The following MACROD2 variants were observed in gnomAD, a reference collection of about 807,000 sequenced individuals.
MACROD2 encodes mono-ADP ribosylhydrolase 2.
MACROD2 carries 36 observed loss-of-function variants against 70.4 expected under a neutral mutation model. That is an observed-to-expected ratio of 0.51 (90% CI 0.39 to 0.68). The LOEUF is 0.68. MACROD2 is among the 30% of genes least tolerant of loss of function. The pLI, the probability that MACROD2 is intolerant of heterozygous loss-of-function variation, is 0.00. For missense variants in MACROD2, 496 were observed against 538.4 expected (o/e 0.92, Z 0.78); for synonymous variants, 172 against 178.8 (o/e 0.96, Z 0.30).
chr20:15,191,889 C>T (rs1364297486), intron 5 of MACROD2, among the ~76,000 whole-genome samples: 9 of 143,704 alleles, frequency 6.3e-5, no homozygotes, highest in Admixed American at 5.6e-4. Flanking sequence ...ACCAAATCAT[C>T]AAAAATTTAG....
chr20:15,584,338 A>G (rs1330501529), intron 8 of MACROD2, among the ~76,000 whole-genome samples: 1 of 152,214 alleles, frequency 6.6e-6, no homozygotes, highest in African/African-American at 2.4e-5. Context: ...AAAGCAAATT[A>G]TAGAGCTAGG....
At chr20:15,830,644 T>G (rs2064045152) in intron 8 of MACROD2, among the ~76,000 whole-genome samples, 1 of 152,250 alleles carries the variant, frequency 6.6e-6, no homozygotes, top group Non-Finnish European at 1.5e-5. Flanking sequence ...GTGTGTGAGC[T>G]TGTAGAATAA....
intron 10 of MACROD2, among the ~76,000 whole-genome samples, chr20:15,916,733 G>C (rs2065321881): frequency 6.6e-6 from 1 of 152,222 alleles, no homozygotes; most frequent in South Asian, 2.1e-4. Context: ...GCACTTTGCT[G>C]TCTTGCAGAA....
At chr20:15,932,073 G>A (rs921662132) in intron 10 of MACROD2, among the ~76,000 whole-genome samples, 2 of 152,154 alleles carry the variant, frequency 1.3e-5, no homozygotes, top group Non-Finnish European at 2.9e-5. Context: ...GGCTCAGCTG[G>A]ATGTCTCTTC....
chr20:14,458,555 T>C (rs547140754), intron 3 of MACROD2, among the ~76,000 whole-genome samples: 1 of 152,236 alleles, frequency 6.6e-6, no homozygotes, highest in East Asian at 1.9e-4. Flanking sequence ...TATTTTGGCA[T>C]GAGGTTCAGA....
intron 3 of MACROD2, among the ~76,000 whole-genome samples, chr20:14,180,169 T>C (rs371316742): frequency 2.6e-5 from 4 of 152,052 alleles, no homozygotes; most frequent in African/African-American, 7.2e-5. Flanking sequence ...CTCTAGACTG[T>C]TATTGGGTAT....
chr20:14,611,635 T>C (rs1484059358), intron 4 of MACROD2, among the ~76,000 whole-genome samples: 1 of 152,046 alleles, frequency 6.6e-6, no homozygotes, highest in Non-Finnish European at 1.5e-5. Context: ...TGGTAGGTGC[T>C]CTGCAGACCT....
At chr20:15,907,850 C>T (rs1407458770) in intron 10 of MACROD2, among the ~76,000 whole-genome samples, 1 of 152,180 alleles carries the variant, frequency 6.6e-6, no homozygotes, top group African/African-American at 2.4e-5. Flanking sequence ...CTGTTTGTCT[C>T]TCTAGAACAT....
intron 3 of MACROD2, among the ~76,000 whole-genome samples, chr20:14,148,028 T>A (rs2054964993): frequency 6.6e-6 from 1 of 152,202 alleles, no homozygotes; most frequent in Non-Finnish European, 1.5e-5. Flanking sequence ...CATAAGCAAA[T>A]TCACCAGATA....
rs935031354 is a variant in MACROD2, at chr20:15,339,598, T to C, written c.541-91807T>C. On this transcript the variant is annotated intron_variant, in intron 6 of 17. Coordinates refer to ENST00000684519, the MANE Select transcript of MACROD2 (RefSeq NM_001351661.2). Reference sequence around the variant, plus strand: ...ACTTATCTTGTGCTTATCAGTGAATTTGCAAGCCCAAGAGAGATCTGTTTT... The same window carrying C: ...ACTTATCTTGTGCTTATCAGTGAATCTGCAAGCCCAAGAGAGATCTGTTTT... Among the ~76,000 whole-genome samples the C allele has an allele frequency of 4.3e-4, 65 of 151,880 alleles. 2 individuals are homozygous for C. Among genetic ancestry groups the C allele is most frequent in the African/African-American group, 1.6e-3 (65 of 41,184 alleles).
At chr20:15,917,023 T>C (rs374128157) in intron 10 of MACROD2, among the ~76,000 whole-genome samples, 1 of 152,222 alleles carries the variant, frequency 6.6e-6, no homozygotes, top group East Asian at 1.9e-4. Flanking sequence ...ATAAAAACCA[T>C]TCTTAGCTGG....
rs2065553122 is a variant in MACROD2 at position 15,930,209 on chromosome 20, G to A, written c.776-3067G>A. Among the ~76,000 whole-genome samples the A allele has an allele frequency of 2.0e-5, 3 of 151,982 alleles. No homozygotes were observed. The South Asian group carries it at 6.2e-4, about 32-fold the overall frequency. Reference sequence around the variant, plus strand: ...CTCTACTTAATTTTTCATTGTTTATGTGCTTCCTGTGACGATAGCTAGACA... The same window carrying A: ...CTCTACTTAATTTTTCATTGTTTATATGCTTCCTGTGACGATAGCTAGACA... On this transcript the variant is annotated intron_variant, in intron 10 of 17. Transcript: ENST00000684519.
intron 5 of MACROD2, among the ~76,000 whole-genome samples, chr20:14,952,734 A>C (rs891377050): frequency 1.3e-5 from 2 of 152,140 alleles, no homozygotes; most frequent in African/African-American, 4.8e-5. Context: ...TACATGCATT[A>C]GTTTTTATAC....
chr20:14,465,363 C>T (rs1009364898), intron 3 of MACROD2, among the ~76,000 whole-genome samples: 8 of 152,006 alleles, frequency 5.3e-5, no homozygotes, highest in African/African-American at 1.9e-4. Context: ...GCAACCCCTG[C>T]CTTTTTTTGT....
chr20:15,126,872 C>T (rs1444641824), intron 5 of MACROD2, among the ~76,000 whole-genome samples: 2 of 152,006 alleles, frequency 1.3e-5, no homozygotes, highest in Non-Finnish European at 2.9e-5. Flanking sequence ...TTAGTATCTG[C>T]TACAGTTGTT....
intron 7 of MACROD2, among the ~76,000 whole-genome samples, chr20:15,472,397 C>G (rs539998532): frequency 3.3e-5 from 5 of 152,242 alleles, no homozygotes; most frequent in South Asian, 2.1e-4. Flanking sequence ...GCTTAGAAGA[C>G]TATACCCTTC....
At chr20:15,201,259 AAAAT>A (rs2076653567) in intron 5 of MACROD2, among the ~76,000 whole-genome samples, 1 of 152,144 alleles carries the variant, frequency 6.6e-6, no homozygotes, top group Non-Finnish European at 1.5e-5. Flanking sequence ...CCTCACCTGT[AAAAT>A]AAGCCAAATG....
chr20:15,124,028 A>G (rs951376648), intron 5 of MACROD2, among the ~76,000 whole-genome samples: 17 of 152,278 alleles, frequency 1.1e-4, no homozygotes, highest in Middle Eastern at 3.4e-3. Context: ...GACTATATTC[A>G]TTCTACTGAT....
chr20:14,858,942 G>T (rs1418539302), intron 5 of MACROD2, among the ~76,000 whole-genome samples: 3 of 152,106 alleles, frequency 2.0e-5, no homozygotes, highest in East Asian at 1.9e-4. Flanking sequence ...CTAATTTAAA[G>T]AAATATTCAG....
Sources: allele counts gnomAD v4.1 joint callset (sites outside exome capture counted in the v4.1 genomes callset), GRCh38; gene constraint gnomAD v4.1.1; transcripts MANE v1.5; gene names NCBI Gene and HGNC (gene_info 2026-07-23, HGNC 2026-07-21).